PRUNE2: variants seen among roughly 807,000 people sequenced by gnomAD.
PRUNE2 encodes the protein prune homolog 2 with BCH domain.
In PRUNE2, 164 loss-of-function variants were observed where a neutral mutation model predicts 252.0. The observed-to-expected ratio is 0.65, with a 90% CI of 0.57 to 0.74. The LOEUF (loss-of-function observed/expected upper bound fraction) is 0.74. Among genes scored for constraint, PRUNE2 ranks in the 30% least tolerant of loss-of-function variants. PRUNE2 has a pLI of 0.00. For synonymous variants in PRUNE2, 1,292 were observed against 1,350.2 expected (o/e 0.96, Z 0.94); for missense variants, 3,495 against 3,711.0 (o/e 0.94, Z 1.51).
intron 1 of PRUNE2, among the ~76,000 whole-genome samples, chr9:76,884,937 A>C (rs1180647068): frequency 6.6e-6 from 1 of 152,216 alleles, no homozygotes; most frequent in Non-Finnish European, 1.5e-5. Flanking sequence ...CTGCTTCTGG[A>C]ACATGGCACC....
At chr9:76,836,990 T>C (rs963414276) in intron 4 of PRUNE2, among the ~76,000 whole-genome samples, 12 of 152,178 alleles carry the variant, frequency 7.9e-5, no homozygotes, top group African/African-American at 2.9e-4. Context: ...AATGCAAACA[T>C]TGATATGTAG....
At chr9:76,905,864 C>T in intron 1 of PRUNE2, 64 bp downstream of exon 1, 3 of 1,603,336 alleles carry the variant, frequency 1.9e-6, no homozygotes, top group Non-Finnish European at 2.6e-6. Flanking sequence ...AACACCTTTT[C>T]CTCTCCACCT....
intron 5 of PRUNE2, among the ~76,000 whole-genome samples, chr9:76,825,066 C>T (rs1386999132): frequency 1.3e-5 from 2 of 152,144 alleles, no homozygotes; most frequent in Admixed American, 1.3e-4. Flanking sequence ...CAGCATGATG[C>T]TCCACCACCA....
chr9:76,843,339 G>T (rs2059496308), intron 4 of PRUNE2, among the ~76,000 whole-genome samples: 1 of 152,142 alleles, frequency 6.6e-6, no homozygotes, highest in Non-Finnish European at 1.5e-5. Context: ...GGGGGCTAGG[G>T]GAGGGAGAGC....
chr9:76,655,038 ATAGT>A (rs1341153696), intron 10 of PRUNE2, among the ~76,000 whole-genome samples: 3 of 152,126 alleles, frequency 2.0e-5, no homozygotes, highest in African/African-American at 4.8e-5. Flanking sequence ...TTTGGTTTTG[ATAGT>A]TAGGATACTG....
At chr9:76,615,846 T>C (rs1051228228) in intron 18 of PRUNE2, among the ~76,000 whole-genome samples, 5 of 145,726 alleles carry the variant, frequency 3.4e-5, no homozygotes, top group Non-Finnish European at 7.5e-5. Flanking sequence ...CTCGGCTTAC[T>C]GCAACCGCCG....
intron 9 of PRUNE2, among the ~76,000 whole-genome samples, chr9:76,683,426 C>T (rs2043706451): frequency 6.6e-6 from 1 of 152,218 alleles, no homozygotes; most frequent in Non-Finnish European, 1.5e-5. Context: ...TTCTTATTCA[C>T]TTCTTCCTAG....
chr9:76,771,666 T>G (rs1210273567), intron 6 of PRUNE2, among the ~76,000 whole-genome samples: 3 of 152,164 alleles, frequency 2.0e-5, no homozygotes, highest in South Asian at 4.1e-4. Flanking sequence ...GTAAATGAAT[T>G]TTCAAAAAAT....
chr9:76,677,294 C>G (rs1434009336), intron 9 of PRUNE2, among the ~76,000 whole-genome samples: 1 of 151,972 alleles, frequency 6.6e-6, no homozygotes, highest in South Asian at 2.1e-4. Flanking sequence ...AAAAAAAATT[C>G]ATTATTTTAT....
chr9:76,854,119 A>G lies in PRUNE2; in HGVS notation c.126T>C (p.Ala42=). ...TTTCCCTCACCTTGTCTAGAAAGTA[A>G]GCATATGTGAAGGTAGAAATGAGAG... The part of the protein sequence containing the change: ...LDSLISTFTY[A]YFLDKVSPPG... Residue 42 remains alanine (A), a synonymous_variant, in exon 2 of 19, where the codon GCT becomes GCC. Transcript: ENST00000376718. The G allele has an allele frequency of 1.9e-6, 3 of 1,582,356 alleles. No individual in the cohort carries two copies. Among genetic ancestry groups the G allele is most frequent in the Non-Finnish European group, 2.6e-6 (3 of 1,154,724 alleles).
At chr9:76,667,134 C>T (rs2040361890) in intron 9 of PRUNE2, among the ~76,000 whole-genome samples, 1 of 152,176 alleles carries the variant, frequency 6.6e-6, no homozygotes, top group Non-Finnish European at 1.5e-5. Context: ...ATAGGTGATG[C>T]TTATGGGAGT....
chr9:76,853,410 TTTACGTTAATAAAAAGCCCA>T (rs2060074853), intron 2 of PRUNE2, among the ~76,000 whole-genome samples: 1 of 152,232 alleles, frequency 6.6e-6, no homozygotes, highest in African/African-American at 2.4e-5. Context: ...ATTTTTAGGC[TTTACGTTAATAAAAAGCCCA>T]TTATCATGAG....
intron 4 of PRUNE2, among the ~76,000 whole-genome samples, chr9:76,837,441 A>AAAATAAT (rs1554798658): frequency 7.4e-6 from 1 of 134,826 alleles, no homozygotes; most frequent in Non-Finnish European, 1.6e-5. Flanking sequence ...ACTCTGTCTC[A>AAAATAAT]AATAATAATA....
chr9:76,671,106 A>G (rs1159336669), intron 9 of PRUNE2, among the ~76,000 whole-genome samples: 1 of 152,052 alleles, frequency 6.6e-6, no homozygotes, highest in Non-Finnish European at 1.5e-5. Context: ...AATTACTCTG[A>G]GCTACAGGAG....
At position 76,614,348 on chromosome 9, in the gene PRUNE2, C is replaced by A; in HGVS notation, c.*222G>T. 1 of 580,486 alleles carries A rather than the reference C, an allele frequency of 1.7e-6. No homozygotes were observed. The highest frequency in any genetic ancestry group is 2.2e-5 in the South Asian group (1 of 44,470). 36.0% of individuals were successfully genotyped at this position (580,486 alleles called of 1,614,324 possible). On this transcript the variant is annotated 3_prime_UTR_variant, in exon 19 of 19. Transcript: ENST00000376718. The stretch of plus-strand genomic sequence containing the variant: ...GTCCTACTTTCTTGCTAAGGCTCAA[C>A]TAAAATCTTTGAGGCACATAATTGG...
At position 76,754,880 on chromosome 9, in the gene PRUNE2, C is replaced by T. The variant is rs191823463; in HGVS notation, c.757-41159G>A. 9.3e-3 allele frequency among the ~76,000 whole-genome samples: 1,363 copies of T among 146,174 alleles called. 22 individuals are homozygous for T. The highest frequency in any genetic ancestry group is 0.032 in the African/African-American group (1,281 of 39,764). ...ACTTGGGAGGCTGAGGCAGGAGAAT[C>T]GCTTGAACCCGGGAGGCGGAGGTTG... On this transcript the variant is annotated intron_variant, in intron 6 of 18. Coordinates refer to ENST00000376718, the MANE Select transcript of PRUNE2 (RefSeq NM_015225.3).
chr9:76,743,107 C>T (rs1489942698), intron 6 of PRUNE2, among the ~76,000 whole-genome samples: 2 of 152,182 alleles, frequency 1.3e-5, no homozygotes, highest in Non-Finnish European at 2.9e-5. Context: ...CTTCCTGCTG[C>T]CATGTGAAGA....
chr9:76,707,802 A>G lies in PRUNE2; in HGVS notation c.4472T>C (p.Phe1491Ser). The part of the protein sequence containing the change: ...PPHRVPRSLD[F>S]GDVPIDSDVH... ...ATCACTGTCTATAGGGACGTCCCCA[A>G]AATCAAGACTTCGGGGAACTCTGTG... The change falls in exon 8 of 19, where the codon TTT becomes TCT. Residue 1491 changes from phenylalanine (F) to serine (S), a missense_variant. Phe to Ser is a radical substitution (Grantham distance 155). Transcript: ENST00000376718. 1 of 1,613,462 alleles carries G rather than the reference A, an allele frequency of 6.2e-7. No homozygotes were observed. Among genetic ancestry groups the G allele is most frequent in the South Asian group, 1.1e-5 (1 of 91,034 alleles).
At chr9:76,644,970 C>T in intron 11 of PRUNE2, 61 bp from the exon 12 acceptor site, 2 of 1,482,084 alleles carry the variant, frequency 1.3e-6, no homozygotes, top group Non-Finnish European at 1.8e-6. Flanking sequence ...TGCAGCTAAA[C>T]AGCCAAATGG....
Sources: gnomAD v4.1 joint callset for allele counts (sites outside exome capture counted in the v4.1 genomes callset) on GRCh38, gnomAD v4.1.1 for gene constraint, MANE v1.5 for transcripts, NCBI Gene and HGNC (gene_info 2026-07-23, HGNC 2026-07-21) for gene names.